The following PRKCE variants were observed in gnomAD, a reference collection of about 807,000 sequenced individuals.
PRKCE encodes the protein protein kinase C epsilon type.
Under a neutral mutation model 85.4 loss-of-function variants are expected in PRKCE, and 16 were observed. That is an observed-to-expected ratio of 0.19 (90% CI 0.13 to 0.28). PRKCE has a LOEUF of 0.28. Among genes scored for constraint, PRKCE ranks in the 10% least tolerant of loss-of-function variants. PRKCE has a pLI of 1.00. For synonymous variants in PRKCE, 388 were observed against 371.5 expected (o/e 1.04, Z -0.51); for missense variants, 573 against 975.2 (o/e 0.59, Z 5.49).
At chr2:45,880,978 C>T (rs959526877) in intron 2 of PRKCE, among the ~76,000 whole-genome samples, 1 of 151,812 alleles carries the variant, frequency 6.6e-6, no homozygotes, top group Admixed American at 6.6e-5. Flanking sequence ...ACGGTGAAAC[C>T]CCGTCTCTAC....
chr2:46,127,492 A>T (rs1673977191), intron 11 of PRKCE, among the ~76,000 whole-genome samples: 1 of 152,200 alleles, frequency 6.6e-6, no homozygotes, highest in Admixed American at 6.5e-5. Flanking sequence ...AGGGCATAGA[A>T]GCCCACTGCA....
chr2:45,881,911 C>A (rs2105815846), intron 2 of PRKCE, among the ~76,000 whole-genome samples: 1 of 152,232 alleles, frequency 6.6e-6, no homozygotes, highest in East Asian at 1.9e-4. Context: ...ACCCCTGGAG[C>A]ATGTGGAGCT....
At chr2:46,021,156 A>T (rs1176583286) in intron 10 of PRKCE, among the ~76,000 whole-genome samples, 2 of 152,176 alleles carry the variant, frequency 1.3e-5, no homozygotes, top group African/African-American at 2.4e-5. Flanking sequence ...CAGACCCCTG[A>T]TTTAGCGAGT....
intron 1 of PRKCE, among the ~76,000 whole-genome samples, chr2:45,795,852 C>T (rs1287548299): frequency 6.6e-6 from 1 of 152,234 alleles, no homozygotes; most frequent in African/African-American, 2.4e-5. Flanking sequence ...AGACCCCCCG[C>T]AGAGTTGTCT....
At chr2:46,115,031 C>T (rs1257564389) in intron 11 of PRKCE, among the ~76,000 whole-genome samples, 3 of 152,190 alleles carry the variant, frequency 2.0e-5, no homozygotes, top group Non-Finnish European at 4.4e-5. Context: ...ATGAAGGTGT[C>T]CAACCTCTCC....
intron 10 of PRKCE, among the ~76,000 whole-genome samples, chr2:46,076,027 G>A (rs1395549585): frequency 2.0e-5 from 3 of 152,208 alleles, no homozygotes; most frequent in Non-Finnish European, 4.4e-5. Context: ...CCAGCATACT[G>A]GAAAGTGATG....
intron 1 of PRKCE, among the ~76,000 whole-genome samples, chr2:45,836,130 A>C (rs550866340): frequency 2.6e-4 from 39 of 152,352 alleles, no homozygotes; most frequent in Non-Finnish European, 4.1e-4. Flanking sequence ...CCATGCATTC[A>C]ATAAGCCAAC....
At chr2:45,997,918 T>A (rs1187264663) in intron 6 of PRKCE, among the ~76,000 whole-genome samples, 1 of 152,258 alleles carries the variant, frequency 6.6e-6, no homozygotes, top group Non-Finnish European at 1.5e-5. Context: ...ACTCATATGC[T>A]ATTTAGCAAT....
chr2:45,817,339 T>C (rs749135013), intron 1 of PRKCE, among the ~76,000 whole-genome samples: 5 of 152,196 alleles, frequency 3.3e-5, no homozygotes, highest in Non-Finnish European at 2.9e-5. Context: ...TCCTGTTTAA[T>C]TATACAAACT....
chr2:45,852,753 G>A (rs1276786307), intron 2 of PRKCE, among the ~76,000 whole-genome samples: 2 of 152,210 alleles, frequency 1.3e-5, no homozygotes, highest in African/African-American at 4.8e-5. Flanking sequence ...TCTCAATGCA[G>A]AAATTATTTT....
intron 2 of PRKCE, among the ~76,000 whole-genome samples, chr2:45,886,629 A>G (rs527869064): frequency 6.6e-6 from 1 of 152,356 alleles, no homozygotes; most frequent in Admixed American, 6.5e-5. Context: ...TAACCCTGCA[A>G]TGAGTCTTGA....
At chr2:45,765,503 G>C (rs1157639434) in intron 1 of PRKCE, among the ~76,000 whole-genome samples, 1 of 152,208 alleles carries the variant, frequency 6.6e-6, no homozygotes, top group Non-Finnish European at 1.5e-5. Context: ...GGGCTGTTGT[G>C]CTGTGTGTAG....
chr2:46,163,678 CACT>C (rs1678013803), intron 14 of PRKCE, among the ~76,000 whole-genome samples: 1 of 144,778 alleles, frequency 6.9e-6, no homozygotes, highest in Non-Finnish European at 1.5e-5. Flanking sequence ...CCACAGAGGC[CACT>C]GAGAGACACG....
chr2:46,170,401 A>G (rs1312698829), intron 14 of PRKCE, among the ~76,000 whole-genome samples: 2 of 152,264 alleles, frequency 1.3e-5, no homozygotes, highest in Admixed American at 6.5e-5. Context: ...ATAAAAGTAG[A>G]GCAAATCATT....
chr2:46,145,870 T>TA lies in PRKCE; in HGVS notation c.1731+649dup, dbSNP rs111624617. 1.1e-3 allele frequency among the ~76,000 whole-genome samples: 153 copies of TA among 144,986 alleles called. No individual in the cohort carries two copies. The highest frequency in any genetic ancestry group is 1.3e-3 in the African/African-American group (53 of 39,584). Reference sequence around the variant, plus strand: ...GTGACAGAGCAAGACCCTGTCTCAATAAAAAAAAAAGTAAAAAATAAAATC... The same window carrying TA: ...GTGACAGAGCAAGACCCTGTCTCAATAAAAAAAAAAAGTAAAAAATAAAATC... On this transcript the variant is annotated intron_variant, in intron 12 of 14. Coordinates refer to ENST00000306156, the MANE Select transcript of PRKCE (RefSeq NM_005400.3). This position sits in a 1 kb window ranked among gnomAD's most constrained non-coding sequence, Gnocchi z 4.6.
At chr2:45,688,986 G>C (rs1677513911) in intron 1 of PRKCE, among the ~76,000 whole-genome samples, 1 of 152,160 alleles carries the variant, frequency 6.6e-6, no homozygotes, top group African/African-American at 2.4e-5. Context: ...TCAGATTAGA[G>C]CTAATGTGGC....
At chr2:46,027,587 C>T (rs1174152936) in intron 10 of PRKCE, among the ~76,000 whole-genome samples, 1 of 152,158 alleles carries the variant, frequency 6.6e-6, no homozygotes, top group Non-Finnish European at 1.5e-5. Flanking sequence ...GGAAGGGGAA[C>T]AAGAACATGA....
intron 14 of PRKCE, among the ~76,000 whole-genome samples, chr2:46,165,612 G>T (rs1381471320): frequency 1.3e-5 from 2 of 152,250 alleles, no homozygotes; most frequent in African/African-American, 4.8e-5. Context: ...TTTCGCTTTT[G>T]TGTTACTGAT....
chr2:45,666,632 C>G (rs888781232), intron 1 of PRKCE, among the ~76,000 whole-genome samples: 11 of 152,058 alleles, frequency 7.2e-5, no homozygotes, highest in African/African-American at 2.7e-4. Flanking sequence ...CCAGAATTCT[C>G]CAGGCTACAG....
Sources: allele counts gnomAD v4.1 joint callset (sites outside exome capture counted in the v4.1 genomes callset), GRCh38; gene constraint gnomAD v4.1.1; non-coding constraint Gnocchi (gnomAD v3.1); transcripts MANE v1.5; gene names NCBI Gene and HGNC (gene_info 2026-07-23, HGNC 2026-07-21).